The following ABCA12 variants were observed in gnomAD, a reference collection of about 807,000 sequenced individuals.
The protein encoded by ABCA12 is ATP binding cassette subfamily A member 12.
ABCA12 carries 156 observed loss-of-function variants against 293.5 expected under a neutral mutation model. That is an observed-to-expected ratio of 0.53 (90% CI 0.47 to 0.61). ABCA12 has a LOEUF of 0.61. ABCA12 is among the 20% of genes least tolerant of loss of function. ABCA12 has a pLI of 0.00. For missense variants in ABCA12, 2,797 were observed against 3,090.2 expected (o/e 0.91, Z 2.25); for synonymous variants, 1,063 against 1,108.0 (o/e 0.96, Z 0.81).
chr2:214,984,980 A>G (rs1185528828), intron 28 of ABCA12, among the ~76,000 whole-genome samples: 1 of 152,194 alleles, frequency 6.6e-6, no homozygotes, highest in Non-Finnish European at 1.5e-5. Flanking sequence ...CTCCTCCACT[A>G]TAATGTAAGC....
At chr2:215,063,811 G>A (rs1332217510) in intron 3 of ABCA12, among the ~76,000 whole-genome samples, 2 of 151,926 alleles carry the variant, frequency 1.3e-5, no homozygotes, top group East Asian at 3.9e-4. Context: ...TTTGAGGGAT[G>A]TAAAGGAGGA....
intron 11 of ABCA12, among the ~76,000 whole-genome samples, chr2:215,023,935 A>G (rs940278): frequency 1 from 151,860 of 152,320 alleles, 75,703 homozygotes; most frequent in East Asian, 1. Flanking sequence ...ATTCCTTGAC[A>G]AGGAAGTCAG....
At chr2:214,938,803 G>T (rs1046416994) in intron 50 of ABCA12, among the ~76,000 whole-genome samples, 32 of 151,822 alleles carry the variant, frequency 2.1e-4, no homozygotes, top group East Asian at 7.7e-4. Context: ...TTTTTGATGG[G>T]TTTTTTTTGT....
chr2:214,958,741 G>A (rs1699028709), intron 40 of ABCA12, among the ~76,000 whole-genome samples: 1 of 152,084 alleles, frequency 6.6e-6, no homozygotes, highest in African/African-American at 2.4e-5. Flanking sequence ...CTTGAGCATA[G>A]GAACCATACT....
chr2:215,075,774 C>G (rs186659137), intron 2 of ABCA12: 2 of 511,498 alleles, frequency 3.9e-6, no homozygotes, highest in South Asian at 3.0e-5. Context: ...TAACAACTAT[C>G]TTTTCACTTG....
chr2:215,046,038 A>C (rs1198551667), intron 6 of ABCA12, 23 bp from the exon 7 acceptor site: 1 of 1,601,790 alleles, frequency 6.2e-7, no homozygotes, highest in African/African-American at 1.3e-5. Context: ...AACCACAAAC[A>C]GAGCAAAATG....
At chr2:215,050,755 T>G in intron 5 of ABCA12, 1 of 980,734 alleles carries the variant, frequency 1.0e-6, no homozygotes, top group Non-Finnish European at 1.2e-6. Flanking sequence ...TTCTAGTCAT[T>G]CATCCGTATC....
At chr2:214,995,839 AG>A (rs1700020926) in intron 23 of ABCA12, among the ~76,000 whole-genome samples, 1 of 152,118 alleles carries the variant, frequency 6.6e-6, no homozygotes, top group African/African-American at 2.4e-5. Flanking sequence ...GGCTTTAAAA[AG>A]GGGGGAAAAT....
chr2:215,099,025 G>A (rs1018704098), intron 2 of ABCA12, among the ~76,000 whole-genome samples: 22 of 152,148 alleles, frequency 1.4e-4, no homozygotes, highest in African/African-American at 5.3e-4. Context: ...TTCAAAAGGT[G>A]GAGCCTAATT....
intron 1 of ABCA12, among the ~76,000 whole-genome samples, chr2:215,132,772 T>G (rs562948871): frequency 6.6e-5 from 10 of 152,202 alleles, no homozygotes; most frequent in African/African-American, 2.4e-4. Context: ...TTGTTCTTGA[T>G]GTAATGTTGT....
chr2:215,115,103 A>G (rs1013134121), intron 1 of ABCA12, among the ~76,000 whole-genome samples: 1 of 152,202 alleles, frequency 6.6e-6, no homozygotes, highest in Non-Finnish European at 1.5e-5. Flanking sequence ...TCTATACCAG[A>G]GACGTTTAAG....
rs533480949 is a variant in ABCA12, at chr2:214,990,804, A to G, written c.3522T>C (p.Ile1174=). 11 of 1,614,172 alleles carry G rather than the reference A, an allele frequency of 6.8e-6. No individual in the cohort carries two copies. In the East Asian group the frequency reaches 2.5e-4, roughly 36 times the overall value. Residue 1174 remains isoleucine (I), a synonymous_variant, in exon 24 of 53, where the codon ATT becomes ATC. Coordinates refer to ENST00000272895, the MANE Select transcript of ABCA12 (RefSeq NM_173076.3). ...AGATGAGGCTTCCGATCAGAGCTGC[A>G]ATGTTGGTGTTGTTGAAGAAGACAC... ...LISVFFNNTN[I]AALIGSLIYI...
intron 2 of ABCA12, among the ~76,000 whole-genome samples, chr2:215,100,026 T>G (rs1702324716): frequency 6.6e-6 from 1 of 151,826 alleles, no homozygotes; most frequent in South Asian, 2.1e-4. Flanking sequence ...CTTTTTTTTT[T>G]TTTAAGAAAC....
At chr2:215,105,578 GAC>G (rs747604210) in intron 2 of ABCA12, among the ~76,000 whole-genome samples, 198 of 142,322 alleles carry the variant, frequency 1.4e-3, no homozygotes, top group East Asian at 1.8e-3. Flanking sequence ...AGGGCTTCAA[GAC>G]ACACACACAC....
At chr2:214,972,439 C>G (rs991687209) in intron 36 of ABCA12, among the ~76,000 whole-genome samples, 1 of 152,134 alleles carries the variant, frequency 6.6e-6, no homozygotes, top group Admixed American at 6.5e-5. Context: ...GACAGGGTCT[C>G]TCTCTGTCAC....
intron 7 of ABCA12, among the ~76,000 whole-genome samples, chr2:215,042,854 C>T (rs1166561145): frequency 6.6e-6 from 1 of 152,144 alleles, no homozygotes; most frequent in African/African-American, 2.4e-5. Flanking sequence ...TCATCCTCCC[C>T]TTTCACCCAA....
At chr2:215,006,247 TC>T (rs1259238478) in intron 19 of ABCA12, among the ~76,000 whole-genome samples, 1 of 152,102 alleles carries the variant, frequency 6.6e-6, no homozygotes, top group Non-Finnish European at 1.5e-5. Flanking sequence ...TTTTTTCTCC[TC>T]CTGGAGAAAA....
intron 20 of ABCA12, among the ~76,000 whole-genome samples, chr2:215,001,971 T>C (rs1469099219): frequency 6.6e-6 from 1 of 152,150 alleles, no homozygotes; most frequent in Non-Finnish European, 1.5e-5. Flanking sequence ...CTAAGAAAGA[T>C]ACAAGATAAC....
At chr2:215,048,562 G>T (rs1240675812) in intron 6 of ABCA12, among the ~76,000 whole-genome samples, 6 of 152,144 alleles carry the variant, frequency 3.9e-5, no homozygotes, top group African/African-American at 1.4e-4. Context: ...AATTAGCTGG[G>T]TGTGGTGGCC....
Sources: gnomAD v4.1 joint callset for allele counts (sites outside exome capture counted in the v4.1 genomes callset) on GRCh38, gnomAD v4.1.1 for gene constraint, MANE v1.5 for transcripts, NCBI Gene and HGNC (gene_info 2026-07-23, HGNC 2026-07-21) for gene names.